Variants in SPIRE1 observed in about 807,000 individuals in gnomAD.
SPIRE1 encodes the protein protein spire homolog 1.
In SPIRE1, 40 loss-of-function variants were observed where a neutral mutation model predicts 94.1. That is an observed-to-expected ratio of 0.43 (90% confidence interval 0.33 to 0.55). The LOEUF is 0.55. SPIRE1 is among the 20% of genes least tolerant of loss of function. The pLI is 0.06. For missense variants in SPIRE1, 838 were observed against 975.2 expected, an observed-to-expected ratio of 0.86 and a Z score of 1.87; for synonymous variants, 376 against 371.7, an observed-to-expected ratio of 1.01 and a Z score of -0.13.
chr18:12,578,269 T>G (rs760968171), intron 2 of SPIRE1, among the ~76,000 whole-genome samples: 14 of 152,246 alleles, frequency 9.2e-5, no homozygotes, highest in Non-Finnish European at 1.9e-4. Flanking sequence ...GCAGCTTTAT[T>G]TGCAATCACC....
rs2035530531 is a variant in SPIRE1, at chr18:12,556,902, C to T, written c.373-9998G>A. ...CTGGCTTGGGCAGCCTGCTTTTATTCCCTTATCCGACCCCACCCATATCCT... is the reference window on the plus strand; with the variant it reads ...CTGGCTTGGGCAGCCTGCTTTTATTTCCTTATCCGACCCCACCCATATCCT... On this transcript the variant is annotated intron_variant, in intron 2 of 16. Transcript: ENST00000409402. 2.6e-5 allele frequency among the ~76,000 whole-genome samples: 4 copies of T among 152,090 alleles called. No individual in the cohort carries two copies. The South Asian group carries it at 8.3e-4, about 32-fold the overall frequency.
At chr18:12,596,009 C>A (rs780359866) in intron 2 of SPIRE1, among the ~76,000 whole-genome samples, 2 of 152,184 alleles carry the variant, frequency 1.3e-5, no homozygotes, top group African/African-American at 4.8e-5. Flanking sequence ...TGTACTAAAC[C>A]TGCTCTACAA....
Position 12,446,841 on chromosome 18 carries a change from C to G in SPIRE1, c.*2797G>C, listed in dbSNP as rs1458281570. ...TAGTACGAGTTCATGGTGCTAATAACAGAATCTCTTTAAACATAAGATCAT... is the reference window on the plus strand; with the variant it reads ...TAGTACGAGTTCATGGTGCTAATAAGAGAATCTCTTTAAACATAAGATCAT... On this transcript the variant is annotated 3_prime_UTR_variant, in exon 17 of 17. Coordinates refer to ENST00000409402, the MANE Select transcript of SPIRE1 (RefSeq NM_001128626.2). The G allele has an allele frequency of 6.6e-6, 1 of 152,172 alleles. No homozygotes were observed. The highest frequency in any genetic ancestry group is 1.9e-4 in the East Asian group (1 of 5,194). The allele number at this position is 152,172 out of a possible 1,614,324, so 9.4% of individuals were successfully genotyped here.
intron 8 of SPIRE1, among the ~76,000 whole-genome samples, chr18:12,487,394 TTTTC>T (rs1227852360): frequency 7.2e-6 from 1 of 138,274 alleles, no homozygotes; most frequent in Non-Finnish European, 1.6e-5. Context: ...TTATCATTTA[TTTTC>T]TTTCTTTTTT....
rs760774256 is a variant in SPIRE1, at chr18:12,479,813, A to C, written c.1290T>G (p.Gly430=). ...CGTTTTCTTTTGTTTGTGATGTCAAACCTCCATTCACCATAGATGACTCCA... is the reference window on the plus strand; with the variant it reads ...CGTTTTCTTTTGTTTGTGATGTCAACCCTCCATTCACCATAGATGACTCCA... The part of the protein sequence containing the change: ...NLVESSMVNG[G]LTSQTKENGL... Residue 430 remains glycine, a synonymous_variant, in exon 10 of 17, where the codon GGT becomes GGG. Coordinates refer to ENST00000409402, the MANE Select transcript of SPIRE1 (RefSeq NM_001128626.2). The C allele has an allele frequency of 6.2e-7, 1 of 1,613,918 alleles. No individual in the cohort carries two copies. Among genetic ancestry groups the C allele is most frequent in the Non-Finnish European group, 8.5e-7 (1 of 1,179,996 alleles).
intron 2 of SPIRE1, among the ~76,000 whole-genome samples, chr18:12,613,628 G>A (rs953483852): frequency 1.3e-5 from 2 of 152,190 alleles, no homozygotes; most frequent in African/African-American, 2.4e-5. Context: ...GGCCGGGCAC[G>A]GTGGCTCACA....
At chr18:12,590,037 T>C (rs2036487868) in intron 2 of SPIRE1, among the ~76,000 whole-genome samples, 1 of 110,008 alleles carries the variant, frequency 9.1e-6, no homozygotes, top group Non-Finnish European at 1.8e-5. Flanking sequence ...CCTAGTAACA[T>C]TTTTCCTATG....
chr18:12,567,538 AT>A lies in SPIRE1; in HGVS notation c.373-20635del, dbSNP rs964113246. Among the ~76,000 whole-genome samples the A allele has an allele frequency of 5.2e-4, 79 of 152,332 alleles. 1 individual carries two copies. The highest frequency in any genetic ancestry group is 1.8e-3 in the African/African-American group (75 of 41,580). On this transcript the variant is annotated intron_variant, in intron 2 of 16. Transcript: ENST00000409402. ...CTCTTAACTGGTGGATCACAGTGAC[AT>A]TTTGGGTCTCCTAGAATCACTATCT...
intron 2 of SPIRE1, among the ~76,000 whole-genome samples, chr18:12,631,780 G>C (rs1022081173): frequency 2.0e-5 from 3 of 152,052 alleles, no homozygotes; most frequent in African/African-American, 7.2e-5. Context: ...TAGTAGAATC[G>C]CTTGAACCCA....
chr18:12,528,397 T>C (rs2034585680), intron 4 of SPIRE1, among the ~76,000 whole-genome samples: 1 of 152,158 alleles, frequency 6.6e-6, no homozygotes, highest in Non-Finnish European at 1.5e-5. Context: ...ATGACTTCGA[T>C]TGGAAAAAGC....
chr18:12,601,747 AT>A, intron 2 of SPIRE1, among the ~76,000 whole-genome samples: 1 of 152,076 alleles, frequency 6.6e-6, no homozygotes, highest in South Asian at 2.1e-4. Context: ...TTGTCTCTGG[AT>A]TTTTTCACAG....
At chr18:12,620,011 T>C (rs1054177177) in intron 2 of SPIRE1, among the ~76,000 whole-genome samples, 1 of 151,758 alleles carries the variant, frequency 6.6e-6, no homozygotes, top group African/African-American at 2.4e-5. Flanking sequence ...TAGCAGGATA[T>C]ATGATGAATA....
chr18:12,561,465 C>T (rs1190236387), intron 2 of SPIRE1, among the ~76,000 whole-genome samples: 3 of 151,992 alleles, frequency 2.0e-5, no homozygotes, highest in Admixed American at 6.6e-5. Flanking sequence ...GGGGTTTCTC[C>T]ATGTTGGTCA....
chr18:12,512,662 C>A, intron 4 of SPIRE1, 131 bp from the exon 5 acceptor site: 1 of 621,668 alleles, frequency 1.6e-6, no homozygotes, highest in African/African-American at 1.9e-5. Flanking sequence ...TCTATTGCTC[C>A]GTAAACTCTA....
At chr18:12,620,401 G>A (rs556509254) in intron 2 of SPIRE1, among the ~76,000 whole-genome samples, 60 of 152,230 alleles carry the variant, frequency 3.9e-4, no homozygotes, top group African/African-American at 1.1e-3. Context: ...AAAGTTGGGG[G>A]ACTCACACTT....
intron 10 of SPIRE1, among the ~76,000 whole-genome samples, chr18:12,469,050 C>T (rs12968369): frequency 0.22 from 33,950 of 151,854 alleles, 4,595 homozygotes; most frequent in Non-Finnish European, 0.31. Context: ...AGTGACAGAG[C>T]GAAACCCTGT....
At chr18:12,578,204 C>T (rs534338149) in intron 2 of SPIRE1, among the ~76,000 whole-genome samples, 1 of 152,126 alleles carries the variant, frequency 6.6e-6, no homozygotes, top group Admixed American at 6.5e-5. Flanking sequence ...TCCTATTTAC[C>T]CAAGAAAAAT....
upstream of SPIRE1, among the ~76,000 whole-genome samples, chr18:12,660,029 C>T (rs1024592495): frequency 6.6e-6 from 1 of 152,154 alleles, no homozygotes; most frequent in Non-Finnish European, 1.5e-5. Context: ...CTTTTATGGA[C>T]AACACTACCA....
rs1030343259 is a variant in SPIRE1 at position 12,657,553 on chromosome 18, G to C, written c.314C>G (p.Ala105Gly). The change falls in exon 1 of 17, where the codon GCG becomes GGG. Residue 105 changes from alanine to glycine, a missense_variant. Physicochemically the swap from Ala to Gly is moderately conservative, Grantham distance 60. Around this residue, in one of 2 missense-constraint regions of SPIRE1, gnomAD observed 193 missense variants for 170.5 expected, o/e 1.13. Coordinates refer to ENST00000409402, the MANE Select transcript of SPIRE1 (RefSeq NM_001128626.2). ...AVTLAPAADD[A>G]GEPPPVAGKL... is the part of the protein sequence containing the mutation. ...ACCCGCAACTGGGGGCGGCTCTCCC[G>C]CGTCGTCGGCCGCGGGCGCCAGGGT... is the stretch of plus-strand genomic sequence containing the variant. 2.8e-4 allele frequency: 340 copies of C among 1,235,994 alleles called. No homozygotes were observed. The highest frequency in any genetic ancestry group is 3.3e-4 in the Non-Finnish European group (327 of 990,350). The allele number at this position is 1,235,994 out of a possible 1,614,324, so 76.6% of individuals were successfully genotyped here. A position where few individuals can be genotyped will look rare whatever the true frequency, so the allele number is the denominator to read the frequency against.
Sources: gnomAD v4.1 joint callset for allele counts (sites outside exome capture counted in the v4.1 genomes callset) on GRCh38, gnomAD v4.1.1 for gene constraint, gnomAD v4.1.1 regional missense constraint, MANE v1.5 for transcripts, NCBI Gene and HGNC (gene_info 2026-07-23, HGNC 2026-07-21) for gene names.